Variants in KLKB1 observed in about 807,000 individuals in gnomAD.
KLKB1 encodes the protein plasma kallikrein.
Under a neutral mutation model 73.6 loss-of-function variants are expected in KLKB1, and 58 were observed. The observed-to-expected ratio is 0.79, with a 90% CI of 0.64 to 0.98. The LOEUF is 0.98. Among genes scored for constraint, KLKB1 ranks in the 50% least tolerant of loss-of-function variants. KLKB1 has a pLI of 0.00. For missense variants in KLKB1, 737 were observed against 763.8 expected (o/e 0.96, Z 0.41); for synonymous variants, 280 against 258.1 (o/e 1.08, Z -0.81).
In KLKB1 at chr4:186,215,309, CCTTTCTTTCT is replaced by C. The variant is rs559273362; in HGVS notation, c.201+6067_201+6076del. 5.1e-3 allele frequency among the ~76,000 whole-genome samples: 735 copies of C among 144,028 alleles called. 3 individuals are homozygous for C. Among genetic ancestry groups the C allele is most frequent in the African/African-American group, 0.017 (626 of 37,658 alleles). The allele number at this position is 144,028 out of a possible 152,430, so 94.5% of individuals were successfully genotyped here. A position where few individuals can be genotyped will look rare whatever the true frequency, so the allele number is the denominator to read the frequency against. ...TGGGCACTCCTGGGAAGGAGAGTAGCCTTTCTTTCTCTTTCTTTCTCTTTCTTTCTCTTTC... is the reference window on the plus strand; with the variant it reads ...TGGGCACTCCTGGGAAGGAGAGTAGCCTTTCTTTCTCTTTCTTTCTCTTTC... On this transcript the variant is annotated intron_variant, in intron 2 of 14. Coordinates refer to the KLKB1 transcript ENST00000511608.
intron 2 of KLKB1, among the ~76,000 whole-genome samples, chr4:186,217,309 C>G (rs13136536): frequency 0.69 from 104,727 of 151,874 alleles, 36,713 homozygotes; most frequent in African/African-American, 0.81. Context: ...TGTTGTTGTT[C>G]TTGTTTTCTG....
At chr4:186,249,059 C>G (rs1306471483) in intron 6 of KLKB1, among the ~76,000 whole-genome samples, 1 of 152,174 alleles carries the variant, frequency 6.6e-6, no homozygotes, top group African/African-American at 2.4e-5. Context: ...TTTATATACT[C>G]TGGATACTAC....
chr4:186,246,106 C>T (rs959444803), intron 6 of KLKB1, among the ~76,000 whole-genome samples: 6 of 151,778 alleles, frequency 4.0e-5, no homozygotes, highest in Admixed American at 6.6e-5. Flanking sequence ...GAGGGCTAGT[C>T]GTGGAATGAA....
At chr4:186,239,844 G>A (rs1259973547) in intron 6 of KLKB1, among the ~76,000 whole-genome samples, 1 of 150,760 alleles carries the variant, frequency 6.6e-6, no homozygotes, top group Non-Finnish European at 1.5e-5. Flanking sequence ...TATAGTTATA[G>A]GACAGTGATA....
Position 186,251,681 on chromosome 4 carries a change from G to A in KLKB1, c.1031+32G>A, listed in dbSNP as rs746299187. 8 of 1,609,862 alleles carry A rather than the reference G, an allele frequency of 5.0e-6. No individual in the cohort carries two copies. The Admixed American group carries it at 6.7e-5, about 13-fold the overall frequency. On this transcript the variant is annotated intron_variant, in intron 9 of 14. Transcript: ENST00000264690. ...GAAATTTTATTTTTCAAAGACAGTT[G>A]ACATGACCATTTCATATTCTCTTTC...
intron 6 of KLKB1, 38 bp from the exon 7 acceptor site, chr4:186,250,205 C>T: frequency 6.2e-7 from 1 of 1,600,550 alleles, no homozygotes; most frequent in Non-Finnish European, 8.6e-7. Context: ...AGCCTCATGT[C>T]ATTTCCTAAG....
At chr4:186,231,387 T>C (rs866285416) in intron 2 of KLKB1, among the ~76,000 whole-genome samples, 1 of 152,182 alleles carries the variant, frequency 6.6e-6, no homozygotes, top group Non-Finnish European at 1.5e-5. Context: ...TAATAATATG[T>C]GGGGTGCAGT....
chr4:186,215,117 A>G (rs1736853258), intron 2 of KLKB1, among the ~76,000 whole-genome samples: 1 of 152,212 alleles, frequency 6.6e-6, no homozygotes, highest in Non-Finnish European at 1.5e-5. Context: ...GGTCATACAG[A>G]CATTATAGAT....
At chr4:186,218,646 G>A (rs1415084376) in intron 2 of KLKB1, among the ~76,000 whole-genome samples, 1 of 142,968 alleles carries the variant, frequency 7.0e-6, no homozygotes, top group Non-Finnish European at 1.5e-5. Flanking sequence ...GTGTGTGTGT[G>A]TGTGTGCGCA....
At chr4:186,232,025 C>CT (rs1452041395) in intron 2 of KLKB1, 102 bp from the exon 3 acceptor site, 12 of 879,788 alleles carry the variant, frequency 1.4e-5, no homozygotes, top group Non-Finnish European at 2.1e-5. Context: ...TTATACAGGT[C>CT]TTTGAGTAGT....
intron 2 of KLKB1, among the ~76,000 whole-genome samples, chr4:186,214,281 C>T (rs1434442247): frequency 6.6e-6 from 1 of 152,180 alleles, no homozygotes; most frequent in Non-Finnish European, 1.5e-5. Flanking sequence ...GCATGTCTGC[C>T]CTGCTCACTC....
rs1428287500 is a variant in KLKB1, at chr4:186,236,976, G to A, written c.488+36G>A. Reference sequence around the variant, plus strand: ...TTCAAGGTGTGTGTTCTTTGTATTGGTGCCTCCAGGATTTCACTGTATTCT... The same window carrying A: ...TTCAAGGTGTGTGTTCTTTGTATTGATGCCTCCAGGATTTCACTGTATTCT... On this transcript the variant is annotated intron_variant, in intron 5 of 14. Transcript: ENST00000264690. The A allele has an allele frequency of 2.5e-6, 4 of 1,606,066 alleles. No individual in the cohort carries two copies. The African/African-American group carries it at 4.0e-5, about 16-fold the overall frequency.
At chr4:186,256,963 G>A (rs1305825653) in intron 13 of KLKB1, among the ~76,000 whole-genome samples, 6 of 145,338 alleles carry the variant, frequency 4.1e-5, no homozygotes, top group Admixed American at 1.4e-4. Flanking sequence ...ACAGGGTGCC[G>A]TCTCTCTCCC....
At chr4:186,226,286 C>A (rs1737166576), upstream of KLKB1, among the ~76,000 whole-genome samples, 1 of 152,138 alleles carries the variant, frequency 6.6e-6, no homozygotes, top group Non-Finnish European at 1.5e-5. Flanking sequence ...GGGTCACCTC[C>A]TGCTGCTTTA....
rs995129548 is a variant in KLKB1, at chr4:186,256,152, G to T, written c.1585+65G>T. 5.0e-6 allele frequency: 5 copies of T among 1,005,996 alleles called. No individual in the cohort carries two copies. In the African/African-American group the frequency reaches 8.0e-5, roughly 16 times the overall value. 62.3% of individuals were successfully genotyped at this position (1,005,996 alleles called of 1,614,324 possible). A position where few individuals can be genotyped will look rare whatever the true frequency, so the allele number is the denominator to read the frequency against. The stretch of plus-strand genomic sequence containing the variant: ...TCACATGTTGAAATACATGGAGTGG[G>T]TCGTTTTAATCGGTTTCTGTCTGAA... On this transcript the variant is annotated intron_variant, in intron 13 of 14. Transcript: ENST00000264690.
intron 2 of KLKB1, among the ~76,000 whole-genome samples, chr4:186,215,309 CCTTT>C (rs1736862156): frequency 6.9e-6 from 1 of 143,972 alleles, no homozygotes; most frequent in African/African-American, 2.7e-5. Flanking sequence ...AGGAGAGTAG[CCTTT>C]CTTTCTCTTT....
At chr4:186,240,123 G>A (rs1244491491) in intron 6 of KLKB1, among the ~76,000 whole-genome samples, 1 of 121,440 alleles carries the variant, frequency 8.2e-6, no homozygotes, top group African/African-American at 2.8e-5. Context: ...ATATAGGACA[G>A]TGATACTGTT....
intron 11 of KLKB1, among the ~76,000 whole-genome samples, chr4:186,252,616 G>T (rs1358735893): frequency 2.4e-5 from 1 of 42,350 alleles, no homozygotes; most frequent in South Asian, 9.4e-4. Context: ...CACCAATCCC[G>T]CCACCCACGA....
At chr4:186,228,308 C>T in intron 2 of KLKB1, 55 bp downstream of exon 2, 1 of 1,075,554 alleles carries the variant, frequency 9.3e-7, no homozygotes, top group Non-Finnish European at 1.4e-6. Context: ...AGTAGCCAAG[C>T]AAGTGGCACC....
Sources: gnomAD v4.1 joint callset for allele counts (sites outside exome capture counted in the v4.1 genomes callset) on GRCh38, gnomAD v4.1.1 for gene constraint, MANE v1.5 for transcripts, NCBI Gene and HGNC (gene_info 2026-07-23, HGNC 2026-07-21) for gene names.